Variants in UBL3 observed in about 807,000 individuals in gnomAD.
UBL3 encodes ubiquitin-like protein 3.
A neutral mutation model predicts 18.4 loss-of-function variants in UBL3; 6 were observed. The ratio of observed to expected loss-of-function variants is 0.33; its 90% CI spans 0.18 to 0.64. The LOEUF (loss-of-function observed/expected upper bound fraction) is 0.64. UBL3 is among the 30% of genes least tolerant of loss of function. UBL3 has a pLI of 0.76. For missense variants in UBL3, 109 were observed against 142.9 expected (o/e 0.76, Z 1.21); for synonymous variants, 49 against 46.6 (o/e 1.05, Z -0.21).
At chr13:29,802,455 G>A (rs554494108) in intron 1 of UBL3, among the ~76,000 whole-genome samples, 59 of 152,234 alleles carry the variant, frequency 3.9e-4, no homozygotes, top group African/African-American at 1.4e-3. Context: ...TCCCAGCAGG[G>A]GTCCTCCAAC....
chr13:29,848,194 A>G (rs1414505675), intron 1 of UBL3, among the ~76,000 whole-genome samples: 1 of 148,614 alleles, frequency 6.7e-6, no homozygotes, highest in African/African-American at 2.5e-5. Flanking sequence ...CTGTAATCCC[A>G]GCACTTTGGG....
intron 1 of UBL3, among the ~76,000 whole-genome samples, chr13:29,832,692 G>A (rs1005593128): frequency 2.0e-5 from 3 of 152,138 alleles, no homozygotes; most frequent in East Asian, 3.8e-4. Context: ...CTGTTCCTCT[G>A]GAGTCTACGC....
intron 1 of UBL3, among the ~76,000 whole-genome samples, chr13:29,846,031 G>A (rs1879219893): frequency 6.6e-6 from 1 of 151,986 alleles, no homozygotes; most frequent in Admixed American, 6.6e-5. Flanking sequence ...ACCATTGCTT[G>A]CCCAGTCTTA....
chr13:29,777,778 T>C (rs1396866002), intron 1 of UBL3, among the ~76,000 whole-genome samples: 2 of 152,164 alleles, frequency 1.3e-5, no homozygotes, highest in African/African-American at 4.8e-5. Context: ...CTATGTATGT[T>C]TTTTTGAGAC....
chr13:29,777,496 G>T, intron 1 of UBL3: 2 of 623,818 alleles, frequency 3.2e-6, no homozygotes, highest in Non-Finnish European at 6.0e-6. Context: ...CATAATAAAT[G>T]AACAAAGGAA....
At chr13:29,789,223 A>G (rs951846918) in intron 1 of UBL3, among the ~76,000 whole-genome samples, 1 of 152,138 alleles carries the variant, frequency 6.6e-6, no homozygotes, top group Non-Finnish European at 1.5e-5. Flanking sequence ...ATGGGCATAG[A>G]GTTTCAGTTT....
intron 2 of UBL3, among the ~76,000 whole-genome samples, chr13:29,772,776 A>G (rs1221796765): frequency 1.3e-5 from 2 of 152,114 alleles, no homozygotes; most frequent in Non-Finnish European, 2.9e-5. Flanking sequence ...CAAAATGAAG[A>G]CTTGGAAGAA....
At position 29,767,217 on chromosome 13, in the gene UBL3, G is replaced by C; in HGVS notation, c.*38C>G. Reference sequence around the variant, plus strand: ...TCTTTTCTGTCCCAGCAGCATGAAAGACAAAGACTATATCACATCACACTA... The same window carrying C: ...TCTTTTCTGTCCCAGCAGCATGAAACACAAAGACTATATCACATCACACTA... On this transcript the variant is annotated 3_prime_UTR_variant, in exon 5 of 5. Transcript: ENST00000380680. 6.2e-7 allele frequency: 1 copy of C among 1,609,214 alleles called. No homozygotes were observed. Among genetic ancestry groups the C allele is most frequent in the Non-Finnish European group, 8.5e-7 (1 of 1,177,164 alleles).
intron 1 of UBL3, among the ~76,000 whole-genome samples, chr13:29,832,197 T>C (rs1262963614): frequency 6.6e-6 from 1 of 152,194 alleles, no homozygotes; most frequent in African/African-American, 2.4e-5. Flanking sequence ...ATAGTCTGTT[T>C]AGTGGGAGAA....
intron 1 of UBL3, among the ~76,000 whole-genome samples, chr13:29,809,559 G>A (rs1877984392): frequency 6.6e-6 from 1 of 152,108 alleles, no homozygotes; most frequent in Non-Finnish European, 1.5e-5. Flanking sequence ...AATTTACACT[G>A]AAGGTCATCA....
intron 1 of UBL3, among the ~76,000 whole-genome samples, chr13:29,795,581 G>A (rs1439535312): frequency 2.0e-5 from 3 of 151,588 alleles, no homozygotes; most frequent in Non-Finnish European, 4.4e-5. Flanking sequence ...TATACCTCTT[G>A]CCAGATCCTC....
chr13:29,835,159 T>TATATATAA (rs1566001160), intron 1 of UBL3, among the ~76,000 whole-genome samples: 1 of 57,866 alleles, frequency 1.7e-5, no homozygotes, highest in African/African-American at 1.0e-4. Flanking sequence ...TATATATATA[T>TATATATAA]ATATATATAT....
chr13:29,796,673 G>A (rs1877621162), intron 1 of UBL3, among the ~76,000 whole-genome samples: 1 of 152,108 alleles, frequency 6.6e-6, no homozygotes, highest in Non-Finnish European at 1.5e-5. Flanking sequence ...TTAGTCATTA[G>A]GAAAATAAAA....
chr13:29,784,123 C>T (rs892215734), intron 1 of UBL3, among the ~76,000 whole-genome samples: 1 of 152,138 alleles, frequency 6.6e-6, no homozygotes, highest in Non-Finnish European at 1.5e-5. Flanking sequence ...TTTAGTCAAA[C>T]TGCCATTTCT....
chr13:29,809,594 C>A (rs1378746046), intron 1 of UBL3, among the ~76,000 whole-genome samples: 1 of 152,132 alleles, frequency 6.6e-6, no homozygotes, highest in African/African-American at 2.4e-5. Context: ...ATAGAGCATT[C>A]TTTCCTTAGG....
intron 1 of UBL3, among the ~76,000 whole-genome samples, chr13:29,824,666 C>G (rs1878568707): frequency 6.6e-6 from 1 of 152,242 alleles, no homozygotes; most frequent in Middle Eastern, 3.4e-3. Flanking sequence ...TGCCTGTTCA[C>G]TCTGGTGGTA....
chr13:29,777,144 A>T lies in UBL3; in HGVS notation c.136+11T>A, dbSNP rs760953644. The T allele has an allele frequency of 1.3e-6, 2 of 1,566,466 alleles. No homozygotes were observed. Among genetic ancestry groups the T allele is most frequent in the East Asian group, 4.5e-5 (2 of 44,246 alleles). On this transcript the variant is annotated intron_variant, in intron 2 of 4. Coordinates refer to ENST00000380680, the MANE Select transcript of UBL3 (RefSeq NM_007106.4). ...AACATTATTCATACTCAAGAGAAAAATATCACTCACCCATTGGCCAATTGT... is the reference window on the plus strand; with the variant it reads ...AACATTATTCATACTCAAGAGAAAATTATCACTCACCCATTGGCCAATTGT...
At chr13:29,830,112 A>G (rs189126607) in intron 1 of UBL3, among the ~76,000 whole-genome samples, 1 of 152,104 alleles carries the variant, frequency 6.6e-6, no homozygotes, top group Non-Finnish European at 1.5e-5. Context: ...CCTGGGGAAC[A>G]AAAAAAGGGT....
intron 3 of UBL3, among the ~76,000 whole-genome samples, chr13:29,769,698 T>TA (rs1479407301): frequency 1.3e-5 from 2 of 152,126 alleles, no homozygotes; most frequent in Admixed American, 6.6e-5. Flanking sequence ...ACCCTCCGAT[T>TA]AACAAGGCTG....
Sources: gnomAD v4.1 joint callset for allele counts (sites outside exome capture counted in the v4.1 genomes callset) on GRCh38, gnomAD v4.1.1 for gene constraint, MANE v1.5 for transcripts, NCBI Gene and HGNC (gene_info 2026-07-23, HGNC 2026-07-21) for gene names.